The following RERE variants were observed in gnomAD, a reference collection of about 807,000 sequenced individuals.
RERE encodes arginine-glutamic acid dipeptide repeats protein.
RERE carries 40 observed loss-of-function variants against 146.1 expected under a neutral mutation model. That is an observed-to-expected ratio of 0.27 (90% CI 0.21 to 0.36). The LOEUF is 0.36. Ranked by LOEUF, RERE falls within the 10% of genes least tolerant of loss-of-function variation. RERE has a pLI of 1.00. For synonymous variants in RERE, 1,003 were observed against 866.0 expected (o/e 1.16, Z -2.78); for missense variants, 1,933 against 2,138.7 (o/e 0.90, Z 1.90).
intron 4 of RERE, among the ~76,000 whole-genome samples, chr1:8,591,000 A>G (rs1001542284): frequency 2.0e-5 from 3 of 152,224 alleles, no homozygotes; most frequent in African/African-American, 7.2e-5. Flanking sequence ...GAGCAACTGA[A>G]AAGTTACTTG....
chr1:8,750,992 C>G, intron 1 of RERE: 2 of 662,382 alleles, frequency 3.0e-6, no homozygotes, highest in East Asian at 5.1e-5. Context: ...CATGGAGGAT[C>G]TGATTCATGA....
chr1:8,453,038 AC>A (rs1435043424), intron 11 of RERE, among the ~76,000 whole-genome samples: 3 of 152,178 alleles, frequency 2.0e-5, no homozygotes, highest in Admixed American at 1.3e-4. Flanking sequence ...AGATAAATCT[AC>A]GTGGATCATT....
At chr1:8,485,187 C>T (rs190145147) in intron 10 of RERE, among the ~76,000 whole-genome samples, 4 of 152,172 alleles carry the variant, frequency 2.6e-5, no homozygotes, top group Admixed American at 2.0e-4. Context: ...TATGGAGAAA[C>T]CCCGTCTCTA....
At chr1:8,699,396 A>T (rs1295825843) in intron 1 of RERE, among the ~76,000 whole-genome samples, 7 of 152,280 alleles carry the variant, frequency 4.6e-5, no homozygotes, top group Non-Finnish European at 1.0e-4. Context: ...GTTCAATGAT[A>T]ACATTAAAAA....
At chr1:8,661,673 G>C (rs1382059105) in intron 1 of RERE, among the ~76,000 whole-genome samples, 1 of 152,074 alleles carries the variant, frequency 6.6e-6, no homozygotes, top group East Asian at 1.9e-4. Context: ...GTGAGAGAGA[G>C]AGGGAAAAAA....
intron 1 of RERE, among the ~76,000 whole-genome samples, chr1:8,787,830 C>CAA (rs1254862943): frequency 0.03 from 3,572 of 117,824 alleles, 140 homozygotes; most frequent in African/African-American, 0.084. Context: ...GACTCTGCCT[C>CAA]AAAAAAAAAA....
At chr1:8,376,041 A>C (rs541919254) in intron 12 of RERE, among the ~76,000 whole-genome samples, 2 of 152,378 alleles carry the variant, frequency 1.3e-5, no homozygotes, top group East Asian at 3.8e-4. Context: ...GCACAGTGAG[A>C]TGAAGCCATG....
At chr1:8,507,057 G>A (rs1645258258) in intron 8 of RERE, among the ~76,000 whole-genome samples, 1 of 152,186 alleles carries the variant, frequency 6.6e-6, no homozygotes, top group South Asian at 2.1e-4. Flanking sequence ...CATGACATGG[G>A]AGACAGAAAC....
chr1:8,766,402 T>C (rs897705628), intron 1 of RERE, among the ~76,000 whole-genome samples: 1 of 151,900 alleles, frequency 6.6e-6, no homozygotes, highest in African/African-American at 2.4e-5. Context: ...TAGCTGGATG[T>C]AGTGGCACGC....
At chr1:8,568,200 C>T (rs1465712040) in intron 4 of RERE, among the ~76,000 whole-genome samples, 1 of 152,170 alleles carries the variant, frequency 6.6e-6, no homozygotes, top group African/African-American at 2.4e-5. Flanking sequence ...TCTTCTCCTA[C>T]CTTTGGACAT....
chr1:8,611,584 G>A (rs1646794240), intron 4 of RERE, among the ~76,000 whole-genome samples: 1 of 152,178 alleles, frequency 6.6e-6, no homozygotes, highest in Admixed American at 6.5e-5. Flanking sequence ...CCTACTATGT[G>A]TGTTAACCAC....
chr1:8,438,574 C>G lies in RERE; in HGVS notation c.1204-15767G>C, dbSNP rs544969133. ...AAAAGAGCAATCAGCATTTTGTGCT[C>G]ACTACAGTAAACCAGGAACACAGGC... is the stretch of plus-strand genomic sequence containing the variant. On this transcript the variant is annotated intron_variant, in intron 11 of 22. Coordinates refer to ENST00000400908, the MANE Select transcript of RERE (RefSeq NM_001042681.2). Among the ~76,000 whole-genome samples the G allele has an allele frequency of 1.7e-3, 256 of 152,272 alleles. 9 individuals are homozygous for G. The South Asian group carries it at 0.052, about 31-fold the overall frequency.
chr1:8,659,904 CAA>C (rs1019739569), intron 1 of RERE, among the ~76,000 whole-genome samples: 25 of 151,844 alleles, frequency 1.6e-4, no homozygotes, highest in African/African-American at 6.1e-4. Flanking sequence ...TTGTTTCTGC[CAA>C]AAGTGAGCAA....
chr1:8,793,356 C>T (rs900194524), intron 1 of RERE, among the ~76,000 whole-genome samples: 4 of 152,098 alleles, frequency 2.6e-5, no homozygotes, highest in Non-Finnish European at 4.4e-5. Context: ...ACTCTCCAAG[C>T]ATTTTGCAAC....
chr1:8,587,181 A>G (rs1646437132), intron 4 of RERE, among the ~76,000 whole-genome samples: 1 of 152,206 alleles, frequency 6.6e-6, no homozygotes. Flanking sequence ...ATAGAAAATT[A>G]CATAGGAAAA....
At chr1:8,651,868 G>A (rs1298011882) in intron 2 of RERE, among the ~76,000 whole-genome samples, 2 of 152,086 alleles carry the variant, frequency 1.3e-5, no homozygotes, top group Non-Finnish European at 2.9e-5. Context: ...CACCCAGGCT[G>A]TAATATAATG....
chr1:8,597,539 C>A (rs1476819447), intron 4 of RERE, among the ~76,000 whole-genome samples: 1 of 152,156 alleles, frequency 6.6e-6, no homozygotes, highest in African/African-American at 2.4e-5. Flanking sequence ...TGAAAATCAA[C>A]ATTAAAATTC....
chr1:8,637,526 C>T (rs929465946), intron 2 of RERE, among the ~76,000 whole-genome samples: 1 of 152,166 alleles, frequency 6.6e-6, no homozygotes, highest in African/African-American at 2.4e-5. Context: ...CAAAATCATA[C>T]TATCCTAAAT....
At chr1:8,416,403 GTGA>G (rs1235966943) in intron 12 of RERE, among the ~76,000 whole-genome samples, 4 of 151,992 alleles carry the variant, frequency 2.6e-5, no homozygotes, top group African/African-American at 9.7e-5. Flanking sequence ...GGTTAACATG[GTGA>G]AAACCCCGTC....
Sources: allele counts gnomAD v4.1 joint callset (sites outside exome capture counted in the v4.1 genomes callset), GRCh38; gene constraint gnomAD v4.1.1; transcripts MANE v1.5; gene names NCBI Gene and HGNC (gene_info 2026-07-23, HGNC 2026-07-21).